The following TRIM16 variants were observed in gnomAD, a reference collection of about 807,000 sequenced individuals.
TRIM16 encodes the protein tripartite motif-containing protein 16.
A neutral mutation model predicts 50.4 loss-of-function variants in TRIM16; 33 were observed. The observed-to-expected ratio is 0.65, with a 90% CI of 0.50 to 0.88. The LOEUF (loss-of-function observed/expected upper bound fraction) is 0.88. TRIM16 is among the 40% of genes least tolerant of loss of function. TRIM16 has a pLI of 0.00. For synonymous variants in TRIM16, 229 were observed against 270.7 expected (o/e 0.85, Z 1.51); for missense variants, 581 against 686.8 (o/e 0.85, Z 1.72).
Position 15,651,011 on chromosome 17 carries a change from G to C in TRIM16, c.519+80C>G, listed in dbSNP as rs1434199401. On this transcript the variant is annotated intron_variant, in intron 7 of 11. Transcript: ENST00000649191. The stretch of plus-strand genomic sequence containing the variant: ...TCAGAGCATAGTAGTGGCGTCAGTG[G>C]ACCTAGCAGCTGCAGCCAGCTGGGC... The C allele has an allele frequency of 7.0e-5, 107 of 1,534,816 alleles. 1 individual carries two copies. The South Asian group carries it at 1.3e-3, about 19-fold the overall frequency.
At chr17:15,637,606 G>A (rs1597611005) in intron 8 of TRIM16, among the ~76,000 whole-genome samples, 11 of 130,392 alleles carry the variant, frequency 8.4e-5, no homozygotes, top group South Asian at 2.5e-4. Context: ...CAGCCGCCCC[G>A]TCCGGGAGGG....
chr17:15,661,076 G>C (rs540874819), intron 6 of TRIM16, among the ~76,000 whole-genome samples: 3 of 152,242 alleles, frequency 2.0e-5, no homozygotes, highest in Admixed American at 6.5e-5. Context: ...AGAAAATCTG[G>C]AGTTAGAAGT....
intron 3 of TRIM16, among the ~76,000 whole-genome samples, chr17:15,682,136 T>G (rs1336881806): frequency 2.0e-5 from 3 of 152,358 alleles, no homozygotes; most frequent in Middle Eastern, 6.8e-3. Context: ...TGGTACAGAA[T>G]AAGCACTCAG....
At chr17:15,629,580 T>C (rs2150894419) in intron 11 of TRIM16, among the ~76,000 whole-genome samples, 1 of 152,408 alleles carries the variant, frequency 6.6e-6, no homozygotes, top group South Asian at 2.1e-4. Flanking sequence ...TATACCCATA[T>C]TTGATCCATT....
At chr17:15,676,413 G>A (rs1243590540) in intron 6 of TRIM16, among the ~76,000 whole-genome samples, 3 of 146,556 alleles carry the variant, frequency 2.0e-5, no homozygotes, top group Non-Finnish European at 1.5e-5. Context: ...ATCCAGACCA[G>A]AAACCTGAGA....
intron 6 of TRIM16, among the ~76,000 whole-genome samples, chr17:15,653,309 T>A (rs553603350): frequency 7.2e-5 from 11 of 152,158 alleles, no homozygotes; most frequent in Non-Finnish European, 1.3e-4. Flanking sequence ...TGCAAAACCG[T>A]GAGCCAAAAG....
chr17:15,651,258 G>T lies in TRIM16; in HGVS notation c.352C>A (p.Leu118Met). 1.2e-6 allele frequency: 2 copies of T among 1,614,238 alleles called. No homozygotes were observed. Among genetic ancestry groups the T allele is most frequent in the Non-Finnish European group, 1.7e-6 (2 of 1,180,048 alleles). ...TGGTCCTTCACTGGCTCGGTCAGCA[G>T]GTGGCTTTGCAGTTTGATGTTCACC... ...HQVNIKLQSH[L>M]LTEPVKDHNW... Residue 118 changes from leucine (L) to methionine (M), a missense_variant, in exon 7 of 12, where the codon CTG becomes ATG. Around this residue, in one of 3 missense-constraint regions of TRIM16, gnomAD observed 450 missense variants for 544.3 expected, o/e 0.83. Coordinates refer to ENST00000649191, the MANE Select transcript of TRIM16 (RefSeq NM_001348119.1).
intron 6 of TRIM16, among the ~76,000 whole-genome samples, chr17:15,657,634 A>G (rs1430148544): frequency 2.0e-5 from 3 of 152,172 alleles, no homozygotes; most frequent in Non-Finnish European, 4.4e-5. Flanking sequence ...GAAATCATAC[A>G]GTGTTTGTCT....
intron 9 of TRIM16, among the ~76,000 whole-genome samples, chr17:15,634,567 C>T (rs1296356188): frequency 7.0e-6 from 1 of 143,050 alleles, no homozygotes; most frequent in Non-Finnish European, 1.5e-5. Flanking sequence ...GGAGGTGGAG[C>T]TTGCAGTGAG....
intron 8 of TRIM16, among the ~76,000 whole-genome samples, chr17:15,636,992 T>C (rs886915): frequency 6.7e-6 from 1 of 149,608 alleles, no homozygotes; most frequent in Non-Finnish European, 1.5e-5. Context: ...TCTTTCCAAG[T>C]TCTGAAGGTT....
intron 6 of TRIM16, among the ~76,000 whole-genome samples, chr17:15,656,680 C>G (rs796128026): frequency 6.6e-6 from 1 of 152,296 alleles, no homozygotes; most frequent in East Asian, 1.9e-4. Flanking sequence ...CCAGCCTCCC[C>G]CTCTACCCCA....
Position 15,628,019 on chromosome 17 carries a change from T to C in TRIM16, c.*596A>G, listed in dbSNP as rs1419109185. ...CTCTGCAATCTTTTCAGCCACTCTT[T>C]AAGGTTCCTGGTCATCCATTCTGGG... On this transcript the variant is annotated 3_prime_UTR_variant, in exon 12 of 12. Transcript: ENST00000649191. 1 of 152,304 alleles carries C rather than the reference T, an allele frequency of 6.6e-6. No homozygotes were observed. Among genetic ancestry groups the C allele is most frequent in the Non-Finnish European group, 1.5e-5 (1 of 68,140 alleles). The allele number at this position is 152,304 out of a possible 1,614,324, so 9.4% of individuals were successfully genotyped here.
intron 6 of TRIM16, among the ~76,000 whole-genome samples, chr17:15,666,525 T>C (rs982052020): frequency 2.0e-5 from 3 of 152,216 alleles, no homozygotes; most frequent in Non-Finnish European, 4.4e-5. Context: ...ATAGAGAATA[T>C]TGGCAGCACC....
intron 11 of TRIM16, among the ~76,000 whole-genome samples, chr17:15,630,219 C>T (rs182623396): frequency 2.7e-4 from 41 of 152,148 alleles, no homozygotes; most frequent in Admixed American, 2.6e-3. Flanking sequence ...GATGTGATCA[C>T]GCCCTACTCT....
chr17:15,672,975 A>G (rs1298943757), intron 6 of TRIM16, among the ~76,000 whole-genome samples: 8 of 152,224 alleles, frequency 5.3e-5, no homozygotes, highest in Admixed American at 5.2e-4. Context: ...CTATAGTACA[A>G]TCCACGAATT....
At chr17:15,679,923 C>G (rs533563746) in intron 4 of TRIM16, among the ~76,000 whole-genome samples, 3 of 134,488 alleles carry the variant, frequency 2.2e-5, no homozygotes, top group Admixed American at 1.7e-4. Context: ...GGCGAGAGAG[C>G]GAGACTATGT....
chr17:15,643,031 G>A, intron 7 of TRIM16: 3 of 746,676 alleles, frequency 4.0e-6, no homozygotes, highest in Admixed American at 4.7e-5. Context: ...AAAATACAGT[G>A]AGCACGGATG....
intron 3 of TRIM16, 172 bp from the exon 4 acceptor site, chr17:15,681,125 A>C: frequency 5.3e-6 from 3 of 565,486 alleles, no homozygotes; most frequent in Non-Finnish European, 9.0e-6. Context: ...CAGAGGATAG[A>C]ATGAACATAA....
chr17:15,636,042 G>C lies in TRIM16; in HGVS notation c.843C>G (p.Phe281Leu). 1 of 1,611,560 alleles carries C rather than the reference G, an allele frequency of 6.2e-7. No individual in the cohort carries two copies. The highest frequency in any genetic ancestry group is 8.5e-7 in the Non-Finnish European group (1 of 1,179,502). The part of the protein sequence containing the change: ...RMAAISNTVQ[F>L]LEEYCKFKNT... Reference sequence around the variant, plus strand: ...GCCCCCGCAACCCCCATACCTCCAAGAACTGGACAGTGTTGCTGATGGCCG... The same window carrying C: ...GCCCCCGCAACCCCCATACCTCCAACAACTGGACAGTGTTGCTGATGGCCG... The change falls in exon 9 of 12, where the codon TTC (phenylalanine) becomes TTG (leucine). Residue 281 changes from phenylalanine to leucine, a missense_variant. Physicochemically the swap from Phe to Leu is conservative, Grantham distance 22. Coordinates refer to ENST00000649191, the MANE Select transcript of TRIM16 (RefSeq NM_001348119.1).
Sources: gnomAD v4.1 joint callset for allele counts (sites outside exome capture counted in the v4.1 genomes callset) on GRCh38, gnomAD v4.1.1 for gene constraint, gnomAD v4.1.1 regional missense constraint, MANE v1.5 for transcripts, NCBI Gene and HGNC (gene_info 2026-07-23, HGNC 2026-07-21) for gene names.